Variants in CSMD1 observed in about 807,000 individuals in gnomAD.
The protein encoded by CSMD1 is CUB and sushi domain-containing protein 1.
Under a neutral mutation model 417.5 loss-of-function variants are expected in CSMD1, and 213 were observed. That is an observed-to-expected ratio of 0.51 (90% CI 0.46 to 0.57). CSMD1 has a LOEUF of 0.57. Among genes scored for constraint, CSMD1 ranks in the 20% least tolerant of loss-of-function variants. CSMD1 has a pLI of 0.00. For missense variants in CSMD1, 6,923 were observed against 4,529.7 expected, an observed-to-expected ratio of 1.53 and a Z score of -15.17; for synonymous variants, 2,862 against 1,736.8, an observed-to-expected ratio of 1.65 and a Z score of -16.11.
chr8:4,223,238 C>T (rs1453106589), intron 3 of CSMD1, among the ~76,000 whole-genome samples: 1 of 152,092 alleles, frequency 6.6e-6, no homozygotes, highest in African/African-American at 2.4e-5. Context: ...GCTTCTTGAA[C>T]ATTTATCTTT....
chr8:4,835,307 G>C (rs1208331122), intron 1 of CSMD1, among the ~76,000 whole-genome samples: 2 of 152,184 alleles, frequency 1.3e-5, no homozygotes, highest in African/African-American at 4.8e-5. Flanking sequence ...CGTTTGAAAA[G>C]AGTGGAGACA....
intron 12 of CSMD1, among the ~76,000 whole-genome samples, chr8:3,436,251 G>A (rs1054251671): frequency 1.3e-5 from 2 of 152,170 alleles, no homozygotes; most frequent in African/African-American, 2.4e-5. Context: ...AATGTGACAT[G>A]AGTCTCTCTT....
intron 59 of CSMD1, among the ~76,000 whole-genome samples, 198 bp downstream of exon 59, chr8:2,965,577 C>T (rs1264104515): frequency 1.3e-5 from 2 of 152,114 alleles, no homozygotes; most frequent in Admixed American, 6.5e-5. Context: ...TCCTCTACCT[C>T]GCTATGAGTT....
At chr8:3,389,386 C>T (rs1006454117) in intron 17 of CSMD1, among the ~76,000 whole-genome samples, 4 of 152,064 alleles carry the variant, frequency 2.6e-5, no homozygotes, top group Admixed American at 2.0e-4. Context: ...CCTGTTGCTG[C>T]ATTAGTTTGC....
At chr8:4,674,053 A>C (rs1213363077) in intron 1 of CSMD1, among the ~76,000 whole-genome samples, 1 of 152,204 alleles carries the variant, frequency 6.6e-6, no homozygotes, top group East Asian at 1.9e-4. Flanking sequence ...CTATTATTAA[A>C]ATTCTAAATG....
At chr8:3,665,826 C>T (rs892181864) in intron 7 of CSMD1, among the ~76,000 whole-genome samples, 1 of 152,160 alleles carries the variant, frequency 6.6e-6, no homozygotes, top group Non-Finnish European at 1.5e-5. Context: ...GAATGATCAA[C>T]CCAAGGCTTA....
chr8:3,948,842 G>T (rs1410757294), intron 5 of CSMD1, among the ~76,000 whole-genome samples: 1 of 152,054 alleles, frequency 6.6e-6, no homozygotes, highest in South Asian at 2.1e-4. Context: ...TTTGCAAGGG[G>T]TATCCAATTT....
At chr8:4,316,955 A>T (rs760045668) in intron 3 of CSMD1, among the ~76,000 whole-genome samples, 2 of 152,150 alleles carry the variant, frequency 1.3e-5, no homozygotes, top group Non-Finnish European at 2.9e-5. Flanking sequence ...TGTCAGATTC[A>T]TACGAAAACT....
At chr8:3,159,339 C>T (rs1468931136) in intron 38 of CSMD1, among the ~76,000 whole-genome samples, 1 of 152,092 alleles carries the variant, frequency 6.6e-6, no homozygotes, top group African/African-American at 2.4e-5. Flanking sequence ...CATTTATTTA[C>T]TAGTTTTTAC....
intron 7 of CSMD1, among the ~76,000 whole-genome samples, chr8:3,694,966 A>C (rs999835795): frequency 4.6e-5 from 7 of 152,066 alleles, no homozygotes; most frequent in African/African-American, 1.7e-4. Context: ...AAAGTAGTGA[A>C]AATTGTATCC....
At chr8:3,749,883 G>A (rs1477452910) in intron 6 of CSMD1, among the ~76,000 whole-genome samples, 1 of 152,020 alleles carries the variant, frequency 6.6e-6, no homozygotes, top group African/African-American at 2.4e-5. Context: ...CGCATCTCCT[G>A]GGGACATTCT....
intron 12 of CSMD1, among the ~76,000 whole-genome samples, chr8:3,466,742 T>C (rs1469148619): frequency 6.6e-6 from 1 of 152,098 alleles, no homozygotes; most frequent in Admixed American, 6.6e-5. Context: ...TTTCTGATAA[T>C]ATAATTTATG....
intron 5 of CSMD1, among the ~76,000 whole-genome samples, chr8:3,891,403 G>A (rs946087530): frequency 6.6e-6 from 1 of 152,082 alleles, no homozygotes. Flanking sequence ...TCCGAGGCCA[G>A]GTATGGTGGC....
chr8:4,019,913 T>C (rs1272148352), intron 4 of CSMD1, among the ~76,000 whole-genome samples: 1 of 38,938 alleles, frequency 2.6e-5, no homozygotes, highest in South Asian at 1.1e-3. Context: ...CAGTAATTCA[T>C]TAAAAAAAAA....
intron 25 of CSMD1, among the ~76,000 whole-genome samples, chr8:3,300,752 T>G (rs1584956066): frequency 6.6e-6 from 1 of 150,536 alleles, no homozygotes; most frequent in African/African-American, 2.4e-5. Flanking sequence ...AGGTCAGGAG[T>G]TTGAGACTAG....
intron 3 of CSMD1, among the ~76,000 whole-genome samples, chr8:4,217,860 G>A (rs1450817676): frequency 6.6e-6 from 1 of 152,120 alleles, no homozygotes; most frequent in Non-Finnish European, 1.5e-5. Context: ...GAAAAGGTGA[G>A]CCAGAAAGGA....
chr8:3,223,110 T>C (rs1798309407), intron 28 of CSMD1, among the ~76,000 whole-genome samples: 1 of 152,248 alleles, frequency 6.6e-6, no homozygotes, highest in Non-Finnish European at 1.5e-5. Context: ...CAATAAATTG[T>C]AATTATCATA....
At chr8:3,508,654 G>C (rs781749202) in intron 10 of CSMD1, among the ~76,000 whole-genome samples, 7 of 152,136 alleles carry the variant, frequency 4.6e-5, no homozygotes, top group Non-Finnish European at 1.0e-4. Context: ...CCTTCAGTCG[G>C]TTTTATTGTA....
chr8:4,779,920 T>C (rs903811830), intron 1 of CSMD1, among the ~76,000 whole-genome samples: 2 of 151,536 alleles, frequency 1.3e-5, no homozygotes, highest in South Asian at 2.1e-4. Flanking sequence ...TTTTTTTTTC[T>C]CCAATAAGAA....
Sources: gnomAD v4.1 joint callset for allele counts (sites outside exome capture counted in the v4.1 genomes callset) on GRCh38, gnomAD v4.1.1 for gene constraint, MANE v1.5 for transcripts, NCBI Gene and HGNC (gene_info 2026-07-23, HGNC 2026-07-21) for gene names.